The following SHISA9 variants were observed in gnomAD, a reference collection of about 807,000 sequenced individuals.
The protein encoded by SHISA9 is shisa family member 9.
In SHISA9, 13 loss-of-function variants were observed where a neutral mutation model predicts 38.0. The observed-to-expected ratio is 0.34, with a 90% CI of 0.22 to 0.54. SHISA9 has a LOEUF of 0.54. SHISA9 is among the 20% of genes least tolerant of loss of function. The pLI is 0.91. For missense variants in SHISA9, 538 were observed against 575.8 expected, an observed-to-expected ratio of 0.93 and a Z score of 0.67; for synonymous variants, 275 against 242.0, an observed-to-expected ratio of 1.14 and a Z score of -1.27.
the SHISA9 span, among the ~76,000 whole-genome samples, chr16:13,283,628 C>G: frequency 6.6e-6 from 1 of 151,980 alleles, no homozygotes; most frequent in Non-Finnish European, 1.5e-5. Flanking sequence ...CCCCATGATT[C>G]AGTTATCTCC....
chr16:12,915,712 A>T (rs1160196048), intron 1 of SHISA9, among the ~76,000 whole-genome samples: 1 of 152,214 alleles, frequency 6.6e-6, no homozygotes, highest in Non-Finnish European at 1.5e-5. Context: ...CAGCGGCTGC[A>T]AGGGATGGAA....
At chr16:13,514,549 A>G in the SHISA9 span, among the ~76,000 whole-genome samples, 3 of 152,176 alleles carry the variant, frequency 2.0e-5, no homozygotes, top group Non-Finnish European at 4.4e-5. Flanking sequence ...CTGAACTTCC[A>G]GAGGTTAAAA....
intron 2 of SHISA9, among the ~76,000 whole-genome samples, chr16:12,975,685 T>A: frequency 6.7e-6 from 1 of 149,244 alleles, no homozygotes; most frequent in African/African-American, 2.5e-5. Context: ...TCACTATGAA[T>A]AGGCCTGGCC....
At chr16:13,108,382 G>A (rs1018830935) in intron 2 of SHISA9, among the ~76,000 whole-genome samples, 13 of 152,032 alleles carry the variant, frequency 8.6e-5, no homozygotes, top group African/African-American at 3.1e-4. Flanking sequence ...CTCCTGCCTT[G>A]GCTTCCTGAG....
At chr16:13,428,596 C>A in the SHISA9 span, among the ~76,000 whole-genome samples, 2 of 152,226 alleles carry the variant, frequency 1.3e-5, no homozygotes, top group Admixed American at 6.5e-5. Flanking sequence ...ATGAATTCTG[C>A]ACACTAAGAA....
the SHISA9 span, among the ~76,000 whole-genome samples, chr16:13,342,664 TA>T: frequency 3.9e-4 from 60 of 152,196 alleles, no homozygotes; most frequent in African/African-American, 1.3e-3. Context: ...TCAACTTCAC[TA>T]TGACTCTAAT....
the SHISA9 span, among the ~76,000 whole-genome samples, chr16:13,296,065 G>C: frequency 6.6e-6 from 1 of 152,202 alleles, no homozygotes; most frequent in African/African-American, 2.4e-5. Flanking sequence ...AAGTCCTTCT[G>C]TTAATCTCAA....
chr16:12,957,313 G>C (rs1489772224), intron 2 of SHISA9, among the ~76,000 whole-genome samples: 1 of 152,142 alleles, frequency 6.6e-6, no homozygotes, highest in Non-Finnish European at 1.5e-5. Context: ...GTCTTCATCA[G>C]TTCAGGCTGC....
the SHISA9 span, among the ~76,000 whole-genome samples, chr16:13,472,575 G>A: frequency 6.6e-6 from 1 of 151,532 alleles, no homozygotes; most frequent in Non-Finnish European, 1.5e-5. Context: ...TGTATTTTTA[G>A]TAGAGATGGG....
chr16:12,906,405 G>T (rs2071094112), intron 1 of SHISA9, among the ~76,000 whole-genome samples: 1 of 152,138 alleles, frequency 6.6e-6, no homozygotes, highest in African/African-American at 2.4e-5. Flanking sequence ...TGGCCTGCTT[G>T]CTTCTGGGCT....
chr16:13,072,338 T>C (rs916618906), intron 2 of SHISA9, among the ~76,000 whole-genome samples: 4 of 152,228 alleles, frequency 2.6e-5, no homozygotes, highest in Admixed American at 2.0e-4. Context: ...TCATGGGTTC[T>C]GGAGACATGG....
intron 1 of SHISA9, among the ~76,000 whole-genome samples, chr16:12,913,215 G>A (rs535517672): frequency 6.6e-6 from 1 of 152,194 alleles, no homozygotes; most frequent in East Asian, 1.9e-4. Context: ...GGGAGGAGGG[G>A]GACTGAGTTT....
chr16:13,360,647 C>T, the SHISA9 span, among the ~76,000 whole-genome samples: 67 of 152,262 alleles, frequency 4.4e-4, no homozygotes, highest in African/African-American at 1.5e-3. Context: ...TACCCAGTCT[C>T]GGGTATGTCT....
At chr16:13,241,063 A>G (rs2051431435), downstream of SHISA9, among the ~76,000 whole-genome samples, 1 of 152,168 alleles carries the variant, frequency 6.6e-6, no homozygotes, top group Non-Finnish European at 1.5e-5. Flanking sequence ...GACAGTGTTG[A>G]ACACACACAC....
chr16:13,125,979 C>T (rs997277248), intron 2 of SHISA9, among the ~76,000 whole-genome samples: 2 of 152,168 alleles, frequency 1.3e-5, no homozygotes, highest in African/African-American at 2.4e-5. Flanking sequence ...TTCTTTTTCT[C>T]TTAACAATGA....
In SHISA9 at chr16:12,902,141, G is replaced by T. The variant is rs1393337274; in HGVS notation, c.77G>T (p.Arg26Leu). Residue 26 changes from arginine to leucine, a missense_variant, in exon 1 of 5, where the codon CGA (arginine) becomes CTA (leucine). Arg to Leu is a moderately radical substitution (Grantham distance 102, BLOSUM62 -2). This residue lies in a region of SHISA9 where 107 missense variants were observed against 103.0 expected (regional missense o/e 1.04). Coordinates refer to ENST00000558583, the MANE Select transcript of SHISA9 (RefSeq NM_001145204.3). The stretch of plus-strand genomic sequence containing the variant: ...GCCCGCGTGTGCCGGGCGCAGGAGC[G>T]AGCGGGACACGGGCAGCTGGCGCAA... Reference protein sequence around the residue: ...LCARVCRAQERAGHGQLAQLG... With the variant: ...LCARVCRAQELAGHGQLAQLG... The T allele has an allele frequency of 6.6e-7, 1 of 1,516,496 alleles. No homozygotes were observed. Among genetic ancestry groups the T allele is most frequent in the Non-Finnish European group, 8.8e-7 (1 of 1,139,602 alleles). 93.9% of individuals were successfully genotyped at this position (1,516,496 alleles called of 1,614,324 possible).
intron 2 of SHISA9, among the ~76,000 whole-genome samples, chr16:13,077,793 G>A (rs1265061040): frequency 7.5e-6 from 1 of 133,362 alleles, no homozygotes; most frequent in Non-Finnish European, 1.5e-5. Flanking sequence ...GAGTGCAACA[G>A]CTGCCACTTC....
chr16:13,462,987 A>ATAAATAAAT, the SHISA9 span, among the ~76,000 whole-genome samples: 4 of 148,906 alleles, frequency 2.7e-5, no homozygotes, highest in African/African-American at 9.8e-5. Flanking sequence ...AAATAAATAA[A>ATAAATAAAT]AAATAAAAAT....
chr16:13,465,596 C>G, the SHISA9 span, among the ~76,000 whole-genome samples: 1 of 152,264 alleles, frequency 6.6e-6, no homozygotes, highest in Non-Finnish European at 1.5e-5. Context: ...CTTGCTACCT[C>G]AGGAAGGAGA....
Sources: gnomAD v4.1 joint callset for allele counts (sites outside exome capture counted in the v4.1 genomes callset) on GRCh38, gnomAD v4.1.1 for gene constraint, gnomAD v4.1.1 regional missense constraint, MANE v1.5 for transcripts, NCBI Gene and HGNC (gene_info 2026-07-23, HGNC 2026-07-21) for gene names.